RYR1: variants seen among roughly 807,000 people sequenced by gnomAD.
RYR1 encodes ryanodine receptor 1.
In RYR1, 342 loss-of-function variants were observed where a neutral mutation model predicts 583.5. The observed-to-expected ratio is 0.59, with a 90% CI of 0.54 to 0.64. The LOEUF (loss-of-function observed/expected upper bound fraction) is 0.64, where lower values mean the gene tolerates loss of function less well. RYR1 is among the 30% of genes least tolerant of loss of function. The pLI is 0.00. For synonymous variants in RYR1, 2,791 were observed against 2,822.5 expected (o/e 0.99, Z 0.35); for missense variants, 6,032 against 6,917.2 (o/e 0.87, Z 4.54).
Position 38,507,957 on chromosome 19 carries a change from A to G in RYR1, c.8932+130A>G, listed in dbSNP as rs926014331. The G allele has an allele frequency of 7.3e-6, 5 of 684,038 alleles. No homozygotes were observed. The African/African-American group carries it at 8.8e-5, about 12-fold the overall frequency. 42.4% of individuals were successfully genotyped at this position (684,038 alleles called of 1,614,324 possible). The stretch of plus-strand genomic sequence containing the variant: ...CTTATCTGATGTTTATTGAGCTTCT[A>G]CTATGTGCCAGACACTGTTCTAGAT... On this transcript the variant is annotated intron_variant, in intron 58 of 105. Transcript: ENST00000359596.
At chr19:38,477,894 G>GGGGGGGGGGT in intron 30 of RYR1, 24 bp downstream of exon 30, 1 of 1,083,054 alleles carries the variant, frequency 9.2e-7, no homozygotes, top group Non-Finnish European at 1.4e-6. Context: ...GGGGAGGTGG[G>GGGGGGGGGGT]AGGTGCAGGG....
In RYR1 at chr19:38,505,902, A is replaced by G. The variant is rs777147998; in HGVS notation, c.8497A>G (p.Lys2833Glu). The change falls in exon 54 of 106, where the codon AAG (lysine) becomes GAG (glutamate). Residue 2833 changes from lysine (K) to glutamate (E), a missense_variant. This residue lies in a region of RYR1 where 1,493 missense variants were observed against 1,715.5 expected (regional missense o/e 0.87). Coordinates refer to ENST00000359596, the MANE Select transcript of RYR1 (RefSeq NM_000540.3). ...IEKAREGEEE[K>E]TEKKKTRKIS... ...GAAGGCCAGGGAGGGTGAGGAGGAG[A>G]AGACGGAAAAGAAAAAAACGCGGAA... is the stretch of plus-strand genomic sequence containing the variant. 5.4e-5 allele frequency: 87 copies of G among 1,613,680 alleles called. No individual in the cohort carries two copies. Among genetic ancestry groups the G allele is most frequent in the Non-Finnish European group, 7.3e-5 (86 of 1,179,986 alleles).
chr19:38,459,811 C>T (rs951556416), intron 19 of RYR1, among the ~76,000 whole-genome samples: 6 of 152,198 alleles, frequency 3.9e-5, no homozygotes, highest in African/African-American at 1.4e-4. Context: ...ACACCATACT[C>T]TCTCAATAAT....
Position 38,499,617 on chromosome 19 carries a change from C to T in RYR1, c.7028-18C>T. 6.3e-7 allele frequency: 1 copy of T among 1,596,900 alleles called. No individual in the cohort carries two copies. Among genetic ancestry groups the T allele is most frequent in the Non-Finnish European group, 8.5e-7 (1 of 1,179,732 alleles). ...GATGGTGGCTCATGAGACCCCCTTT[C>T]CCCATGCGGGTGGCCAGGCGAGAGC... On this transcript the variant is annotated intron_variant, in intron 43 of 105. Transcript: ENST00000359596. This position sits in a 1 kb window ranked among gnomAD's most constrained non-coding sequence, Gnocchi z 7.3.
At chr19:38,584,238 C>T (rs1366114696) in intron 101 of RYR1, among the ~76,000 whole-genome samples, 1 of 148,364 alleles carries the variant, frequency 6.7e-6, no homozygotes, top group Non-Finnish European at 1.5e-5. Flanking sequence ...CCCTCCCATC[C>T]TCGCCCTCAC....
intron 19 of RYR1, among the ~76,000 whole-genome samples, chr19:38,459,621 C>T (rs1359706073): frequency 2.0e-5 from 3 of 151,882 alleles, no homozygotes; most frequent in African/African-American, 4.8e-5. Context: ...AAGGTTCTTC[C>T]GGTGACCTCC....
chr19:38,504,511 C>T (rs192640005), intron 50 of RYR1, 151 bp downstream of exon 50: 8 of 1,168,002 alleles, frequency 6.8e-6, no homozygotes, highest in African/African-American at 6.2e-5. Context: ...GTTGAGGCTT[C>T]GATTTGGAGG....
At chr19:38,462,092 C>T (rs1207664079) in intron 20 of RYR1, among the ~76,000 whole-genome samples, 1 of 152,070 alleles carries the variant, frequency 6.6e-6, no homozygotes, top group Non-Finnish European at 1.5e-5. Context: ...TTTGCCTTCC[C>T]TCCAAGCATG....
Position 38,565,214 on chromosome 19 carries a change from A to G in RYR1, c.12880A>G (p.Thr4294Ala), listed in dbSNP as rs1003914966. 258 of 992,216 alleles carry G rather than the reference A, an allele frequency of 2.6e-4. 2 individuals carry two copies. The East Asian group carries it at 0.025, about 95-fold the overall frequency. The allele number at this position is 992,216 out of a possible 1,614,324, so 61.5% of individuals were successfully genotyped here. A position where few individuals can be genotyped will look rare whatever the true frequency, so the allele number is the denominator to read the frequency against. ...GGCGGCCACGGCGGCGGCGGGGGCG[A>G]CGGCGCGGGTTGTGGCGGCCGCAGG... ...GTAATAAAGA[T>A]ARVVAAAGRA... Residue 4294 changes from threonine to alanine, a missense_variant, in exon 91 of 106, where the codon ACG (threonine) becomes GCG (alanine). Physicochemically the swap from Thr to Ala is moderately conservative, Grantham distance 58 (BLOSUM62 0). Transcript: ENST00000359596. This position sits in a 1 kb window ranked among gnomAD's most constrained non-coding sequence, Gnocchi z 4.7.
At chr19:38,554,553 A>G (rs1972802193) in intron 89 of RYR1, among the ~76,000 whole-genome samples, 3 of 151,930 alleles carry the variant, frequency 2.0e-5, no homozygotes, top group Admixed American at 6.6e-5. Flanking sequence ...TTGATGAAGT[A>G]CTTTGTAGAT....
intron 82 of RYR1, among the ~76,000 whole-genome samples, chr19:38,536,279 C>T (rs1392811610): frequency 1.0e-5 from 1 of 96,628 alleles, no homozygotes; most frequent in Non-Finnish European, 2.0e-5. Flanking sequence ...CCACCCACCT[C>T]CGCCCCCCCC....
rs571174741 is a variant in RYR1, at chr19:38,514,305, G to C, written c.9473-721G>C. 1.7e-3 allele frequency among the ~76,000 whole-genome samples: 247 copies of C among 143,272 alleles called. 1 individual carries two copies. The highest frequency in any genetic ancestry group is 5.6e-3 in the African/African-American group (214 of 38,016). The allele number at this position is 143,272 out of a possible 152,430, so 94.0% of individuals were successfully genotyped here. A position where few individuals can be genotyped will look rare whatever the true frequency, so the allele number is the denominator to read the frequency against. On this transcript the variant is annotated intron_variant, in intron 63 of 105. Transcript: ENST00000359596. ...TAATTTTTTTTTTTTTTTTGAGACAGAGTCTCGGTCTGTCACCCAGGCTGG... is the reference window on the plus strand; with the variant it reads ...TAATTTTTTTTTTTTTTTTGAGACACAGTCTCGGTCTGTCACCCAGGCTGG...
In RYR1 at chr19:38,496,478, C is replaced by T. The variant is rs1234984619; in HGVS notation, c.6733C>T (p.Gln2245Ter). The T allele has an allele frequency of 6.2e-7, 1 of 1,613,682 alleles. No individual in the cohort carries two copies. The highest frequency in any genetic ancestry group is 8.5e-7 in the Non-Finnish European group (1 of 1,180,026). Residue 2245 changes from glutamine to a stop codon, truncating the protein, a stop_gained, in exon 41 of 106, where the codon CAG becomes TAG. Coordinates refer to ENST00000359596, the MANE Select transcript of RYR1 (RefSeq NM_000540.3). LOFTEE classifies it high-confidence loss of function. The surrounding 1 kb of genome is among the most constrained non-coding windows in gnomAD (Gnocchi z 4.8). ...FLCYFCRISR[Q>*]NQRSMFDHLS... The stretch of plus-strand genomic sequence containing the variant: ...CTGCTATTTCTGCCGAATCAGCCGG[C>T]AGAACCAGCGCTCCATGTTTGACCA...
At chr19:38,494,300 G>T (rs543067963) in intron 38 of RYR1, 52 bp from the exon 39 acceptor site, 4 of 1,609,376 alleles carry the variant, frequency 2.5e-6, no homozygotes, top group Non-Finnish European at 3.4e-6. Flanking sequence ...AAGGCCCCAT[G>T]TGCCGACCTG....
At chr19:38,549,027 T>G (rs539883541) in intron 89 of RYR1, among the ~76,000 whole-genome samples, 7 of 152,336 alleles carry the variant, frequency 4.6e-5, no homozygotes, top group African/African-American at 1.7e-4. Context: ...TTCTTCTCTG[T>G]GTAGGGCCTG....
At chr19:38,478,668 T>C in intron 31 of RYR1, 68 bp downstream of exon 31, 1 of 1,575,196 alleles carries the variant, frequency 6.3e-7, no homozygotes, top group Non-Finnish European at 8.6e-7. Context: ...CTCTTATAGA[T>C]GTCCCCTGAG....
At position 38,512,417 on chromosome 19, in the gene RYR1, C is replaced by A; in HGVS notation, c.9406C>A (p.Leu3136Met). The change falls in exon 63 of 106, where the codon CTG (leucine) becomes ATG (methionine). Residue 3136 changes from leucine (L) to methionine (M), a missense_variant. Leu to Met is a conservative substitution (Grantham distance 15). Transcript: ENST00000359596. The surrounding 1 kb of genome is among the most constrained non-coding windows in gnomAD (Gnocchi z 5.1). ...GQNLTYTTVALLPVLTTLFQH... is the reference protein window; with the variant it reads ...GQNLTYTTVAMLPVLTTLFQH... Reference sequence around the variant, plus strand: ...GAACCTCACCTACACCACTGTGGCACTGCTGCCGGTCCTCACCACCCTCTT... The same window carrying A: ...GAACCTCACCTACACCACTGTGGCAATGCTGCCGGTCCTCACCACCCTCTT... 6.2e-7 allele frequency: 1 copy of A among 1,613,912 alleles called. No individual in the cohort carries two copies. The highest frequency in any genetic ancestry group is 8.5e-7 in the Non-Finnish European group (1 of 1,180,044).
At position 38,516,164 on chromosome 19, in the gene RYR1, A is replaced by G. The variant is rs1292266298; in HGVS notation, c.9632A>G (p.Asn3211Ser). The G allele has an allele frequency of 1.3e-6, 2 of 1,561,386 alleles. No individual in the cohort carries two copies. The highest frequency in any genetic ancestry group is 1.7e-6 in the Non-Finnish European group (2 of 1,152,710). Reference protein sequence around the residue: ...MPVAFLEPQLNEYNACSVYTT... With the variant: ...MPVAFLEPQLSEYNACSVYTT... ...GTGGCGTTCCTGGAGCCGCAGCTGAACGAGTACAACGCCTGCTCCGTGTAC... is the reference window on the plus strand; with the variant it reads ...GTGGCGTTCCTGGAGCCGCAGCTGAGCGAGTACAACGCCTGCTCCGTGTAC... Residue 3211 changes from asparagine to serine, a missense_variant, in exon 65 of 106, where the codon AAC becomes AGC. By Grantham distance (46) the Asn-to-Ser change is conservative. This residue lies in a region of RYR1 where 1,493 missense variants were observed against 1,715.5 expected (regional missense o/e 0.87). Transcript: ENST00000359596.
intron 1 of RYR1, among the ~76,000 whole-genome samples, chr19:38,436,837 A>G (rs1006333034): frequency 6.6e-6 from 1 of 151,862 alleles, no homozygotes; most frequent in Non-Finnish European, 1.5e-5. Flanking sequence ...AGCCCCCCCA[A>G]ACTGATTTCA....
Sources: allele counts gnomAD v4.1 joint callset (sites outside exome capture counted in the v4.1 genomes callset), GRCh38; gene constraint gnomAD v4.1.1; regional missense constraint gnomAD v4.1.1; non-coding constraint Gnocchi (gnomAD v3.1); transcripts MANE v1.5; gene names NCBI Gene and HGNC (gene_info 2026-07-23, HGNC 2026-07-21).